Variants in TP63 observed in about 807,000 individuals in gnomAD.
The protein encoded by TP63 is tumor protein p63.
A neutral mutation model predicts 82.8 loss-of-function variants in TP63; 17 were observed. The observed-to-expected ratio is 0.21, with a 90% CI of 0.14 to 0.31. TP63 has a LOEUF of 0.31. Ranked by LOEUF, TP63 falls within the 10% of genes least tolerant of loss-of-function variation. The probability of loss-of-function intolerance (pLI) is 1.00; values close to 1 mark genes in which losing one functional copy is unlikely to be tolerated. For missense variants in TP63, 648 were observed against 895.3 expected, an observed-to-expected ratio of 0.72 and a Z score of 3.52; for synonymous variants, 330 against 321.7, an observed-to-expected ratio of 1.03 and a Z score of -0.28.
chr3:189,746,453 T>C (rs1411068984), intron 3 of TP63, among the ~76,000 whole-genome samples: 1 of 150,258 alleles, frequency 6.7e-6, no homozygotes, highest in African/African-American at 2.5e-5. Flanking sequence ...ATATTTACCG[T>C]CAAGAAAACA....
At chr3:189,828,183 G>A (rs1711722242) in intron 4 of TP63, among the ~76,000 whole-genome samples, 2 of 151,924 alleles carry the variant, frequency 1.3e-5, no homozygotes, top group African/African-American at 4.8e-5. Flanking sequence ...AGAGGTTGCA[G>A]TGAGCTGAGA....
At chr3:189,782,737 C>A (rs1373576721) in intron 3 of TP63, among the ~76,000 whole-genome samples, 3 of 152,002 alleles carry the variant, frequency 2.0e-5, no homozygotes, top group African/African-American at 7.2e-5. Flanking sequence ...TGATTTAAGA[C>A]CTTCTCTTTC....
At chr3:189,887,606 GA>G (rs929333505) in intron 11 of TP63, among the ~76,000 whole-genome samples, 3 of 151,766 alleles carry the variant, frequency 2.0e-5, no homozygotes, top group Non-Finnish European at 4.4e-5. Context: ...AAACTTGAAG[GA>G]AAAAAAAGTC....
chr3:189,857,572 T>A (rs1481674519), intron 4 of TP63, among the ~76,000 whole-genome samples: 1 of 152,206 alleles, frequency 6.6e-6, no homozygotes, highest in East Asian at 1.9e-4. Flanking sequence ...AGTATATTTT[T>A]AAATGTATAT....
chr3:189,829,159 T>C (rs2108697016), intron 4 of TP63, among the ~76,000 whole-genome samples: 1 of 152,332 alleles, frequency 6.6e-6, no homozygotes, highest in South Asian at 2.1e-4. Flanking sequence ...GCAGATACCA[T>C]ATTACCAAAT....
At chr3:189,727,184 A>C (rs1719834211) in intron 1 of TP63, among the ~76,000 whole-genome samples, 1 of 152,244 alleles carries the variant, frequency 6.6e-6, no homozygotes, top group Admixed American at 6.5e-5. Flanking sequence ...TTTGAAAATC[A>C]AACCCAATCA....
chr3:189,761,569 GTC>G (rs1001753359), intron 3 of TP63, among the ~76,000 whole-genome samples: 63 of 152,228 alleles, frequency 4.1e-4, no homozygotes, highest in African/African-American at 1.5e-3. Flanking sequence ...CATTCAACAA[GTC>G]TCTAGGAAGT....
intron 1 of TP63, among the ~76,000 whole-genome samples, chr3:189,640,253 T>G (rs935533059): frequency 2.0e-5 from 3 of 152,134 alleles, no homozygotes; most frequent in Admixed American, 6.6e-5. Context: ...TTAACCCTTT[T>G]GTTATCTCAG....
At chr3:189,839,050 A>G (rs1713580377) in intron 4 of TP63, among the ~76,000 whole-genome samples, 1 of 147,522 alleles carries the variant, frequency 6.8e-6, no homozygotes, top group African/African-American at 2.4e-5. Context: ...TAAAAAAAAA[A>G]AAAAAAAAAA....
chr3:189,758,180 T>C (rs1222647106), intron 3 of TP63, among the ~76,000 whole-genome samples: 1 of 152,190 alleles, frequency 6.6e-6, no homozygotes. Flanking sequence ...AGCACACAAC[T>C]TAGATCCCTC....
intron 4 of TP63, among the ~76,000 whole-genome samples, chr3:189,856,370 CAA>C (rs1235901530): frequency 6.6e-6 from 1 of 151,392 alleles, no homozygotes; most frequent in East Asian, 1.9e-4. Flanking sequence ...TTAGATATAT[CAA>C]AACTTTGTGG....
intron 6 of TP63, 55 bp downstream of exon 6, chr3:189,866,852 T>C: frequency 7.2e-7 from 1 of 1,386,978 alleles, no homozygotes; most frequent in Non-Finnish European, 1.0e-6. Context: ...TGAGTAGACT[T>C]GAGAGAACAT....
chr3:189,812,214 A>T (rs1385924818), intron 4 of TP63, among the ~76,000 whole-genome samples: 1 of 152,184 alleles, frequency 6.6e-6, no homozygotes, highest in Admixed American at 6.5e-5. Flanking sequence ...AATATATTTA[A>T]AGTATATGTG....
chr3:189,665,998 T>C (rs1201459744), intron 1 of TP63, among the ~76,000 whole-genome samples: 1 of 152,092 alleles, frequency 6.6e-6, no homozygotes, highest in Non-Finnish European at 1.5e-5. Flanking sequence ...TAATGGGTAC[T>C]GATGACTACG....
At chr3:189,682,645 A>G (rs936391525) in intron 1 of TP63, among the ~76,000 whole-genome samples, 1 of 150,632 alleles carries the variant, frequency 6.6e-6, no homozygotes, top group Non-Finnish European at 1.5e-5. Context: ...TGCAAAAAAC[A>G]CAAGGAAATA....
the TP63 span, among the ~76,000 whole-genome samples, chr3:189,599,724 A>C: frequency 2.6e-5 from 4 of 152,082 alleles, no homozygotes; most frequent in African/African-American, 9.7e-5. Flanking sequence ...TTTTCAAGAG[A>C]GTTTCCTATC....
chr3:189,774,972 C>T (rs1723667181), intron 3 of TP63, among the ~76,000 whole-genome samples: 1 of 152,126 alleles, frequency 6.6e-6, no homozygotes, highest in Admixed American at 6.5e-5. Context: ...AATCCCAGCA[C>T]TTTGGGAGGC....
At chr3:189,887,686 A>C (rs1168018876) in intron 11 of TP63, among the ~76,000 whole-genome samples, 2 of 152,168 alleles carry the variant, frequency 1.3e-5, no homozygotes, top group African/African-American at 4.8e-5. Flanking sequence ...CATGGGTATC[A>C]TATAATCCTT....
At chr3:189,828,133 C>T (rs4686530) in intron 4 of TP63, among the ~76,000 whole-genome samples, 24,829 of 151,606 alleles carry the variant, frequency 0.16, 2,207 homozygotes, top group Admixed American at 0.24. Flanking sequence ...CCCAGCTACT[C>T]GGGAAGCCGA....
Sources: allele counts gnomAD v4.1 joint callset (sites outside exome capture counted in the v4.1 genomes callset), GRCh38; gene constraint gnomAD v4.1.1; transcripts MANE v1.5; gene names NCBI Gene and HGNC (gene_info 2026-07-23, HGNC 2026-07-21).